HTR1F: variants seen among roughly 807,000 people sequenced by gnomAD.
HTR1F encodes the protein 5-hydroxytryptamine (serotonin) receptor 1F, G protein-coupled.
Under a neutral mutation model 24.0 loss-of-function variants are expected in HTR1F, and 17 were observed. The observed-to-expected ratio is 0.71, with a 90% CI of 0.48 to 1.06. The LOEUF (loss-of-function observed/expected upper bound fraction) is 1.06, where lower values mean the gene tolerates loss of function less well. Ranked by LOEUF, HTR1F falls within the 50% of genes least tolerant of loss-of-function variation. The pLI, the probability that HTR1F is intolerant of heterozygous loss-of-function variation, is 0.00. For missense variants in HTR1F, 391 were observed against 427.8 expected, an observed-to-expected ratio of 0.91 and a Z score of 0.76; for synonymous variants, 186 against 156.8, an observed-to-expected ratio of 1.19 and a Z score of -1.39.
chr3:87,946,125 A>G (rs1704695867), intron 2 of HTR1F, among the ~76,000 whole-genome samples: 1 of 152,230 alleles, frequency 6.6e-6, no homozygotes, highest in Non-Finnish European at 1.5e-5. Flanking sequence ...TGCAGGAACA[A>G]TGGCAAGCCT....
At chr3:87,960,313 G>A (rs1440643797) in intron 2 of HTR1F, among the ~76,000 whole-genome samples, 1 of 151,966 alleles carries the variant, frequency 6.6e-6, no homozygotes, top group Admixed American at 6.6e-5. Flanking sequence ...ATCACAAAAA[G>A]AAGTGGTCAT....
chr3:87,950,754 A>T (rs1704815748), intron 2 of HTR1F, among the ~76,000 whole-genome samples: 2 of 152,126 alleles, frequency 1.3e-5, no homozygotes, highest in Admixed American at 1.3e-4. Flanking sequence ...AACAGAGTTC[A>T]TTGGTTTCAG....
At chr3:87,853,391 A>G (rs1705130973) in intron 2 of HTR1F, among the ~76,000 whole-genome samples, 1 of 152,108 alleles carries the variant, frequency 6.6e-6, no homozygotes, top group African/African-American at 2.4e-5. Context: ...GTTCCTGCAA[A>G]GGACATGATC....
chr3:87,879,735 T>C (rs1382322231), intron 2 of HTR1F, among the ~76,000 whole-genome samples: 1 of 152,154 alleles, frequency 6.6e-6, no homozygotes, highest in African/African-American at 2.4e-5. Context: ...GAATATTTCA[T>C]TTTATGGAGT....
chr3:87,874,866 G>A (rs2107265708), intron 2 of HTR1F, among the ~76,000 whole-genome samples: 1 of 152,218 alleles, frequency 6.6e-6, no homozygotes, highest in South Asian at 2.1e-4. Flanking sequence ...ATAATGGTGT[G>A]AAGACTACAC....
rs5850816 is a variant in HTR1F, at chr3:87,890,843, C to CTT, written c.-43+68734_-43+68735dup. ...TGATTTGACTACAAGTCAATTATTT[C>CTT]TTTTTTTTTTTTTTTTGAGACAGAG... is the stretch of plus-strand genomic sequence containing the variant. On this transcript the variant is annotated intron_variant, in intron 2 of 2. Transcript: ENST00000319595. Among the ~76,000 whole-genome samples the CTT allele has an allele frequency of 2.6e-3, 359 of 139,134 alleles. 3 individuals are homozygous for CTT. The highest frequency in any genetic ancestry group is 6.5e-3 in the African/African-American group (247 of 37,710). 91.3% of individuals were successfully genotyped at this position (139,134 alleles called of 152,430 possible).
At chr3:87,931,782 A>G (rs1704279056) in intron 2 of HTR1F, among the ~76,000 whole-genome samples, 1 of 149,454 alleles carries the variant, frequency 6.7e-6, no homozygotes, top group Non-Finnish European at 1.5e-5. Flanking sequence ...TTTGATTTGC[A>G]TTTCTCTGAT....
intron 2 of HTR1F, among the ~76,000 whole-genome samples, chr3:87,832,212 A>C (rs776588281): frequency 6.6e-6 from 1 of 152,282 alleles, no homozygotes; most frequent in Non-Finnish European, 1.5e-5. Context: ...GAGAATTTAT[A>C]AAAGTACTTC....
intron 1 of HTR1F, among the ~76,000 whole-genome samples, chr3:87,804,560 T>G (rs1161076727): frequency 6.6e-6 from 1 of 152,136 alleles, no homozygotes; most frequent in Non-Finnish European, 1.5e-5. Flanking sequence ...ATTTCCCATT[T>G]TATTATCTAG....
chr3:87,870,989 G>A lies in HTR1F; in HGVS notation c.-43+48865G>A, dbSNP rs1423621562. On this transcript the variant is annotated intron_variant, in intron 2 of 2. Transcript: ENST00000319595. ...TACTTTATCAAATACCCAAATCTCAGAAAAAAAAAAAAAATCACGTGAAGA... is the reference window on the plus strand; with the variant it reads ...TACTTTATCAAATACCCAAATCTCAAAAAAAAAAAAAAAATCACGTGAAGA... Among the ~76,000 whole-genome samples, 550 of 135,126 alleles carry A rather than the reference G, an allele frequency of 4.1e-3. 2 individuals are homozygous for A. The highest frequency in any genetic ancestry group is 0.013 in the African/African-American group (497 of 38,420). 88.6% of individuals were successfully genotyped at this position (135,126 alleles called of 152,430 possible).
rs1705810813 is a variant in HTR1F at position 87,991,004 on chromosome 3, G to A, written c.255G>A (p.Val85=). The A allele has an allele frequency of 1.2e-6, 2 of 1,614,102 alleles. No individual in the cohort carries two copies. The highest frequency in any genetic ancestry group is 1.7e-6 in the Non-Finnish European group (2 of 1,180,014). ...TGCCCTTCAGCATTGTGTATATTGT[G>A]AGAGAGAGCTGGATTATGGGGCAAG... ...LVMPFSIVYI[V]RESWIMGQVV... is the part of the protein sequence containing the mutation. The change falls in exon 3 of 3, where the codon GTG becomes GTA. Residue 85 remains valine, a synonymous_variant. Coordinates refer to ENST00000319595, the MANE Select transcript of HTR1F (RefSeq NM_001322209.2).
intron 1 of HTR1F, among the ~76,000 whole-genome samples, chr3:87,795,150 G>A (rs1183027508): frequency 1.3e-5 from 2 of 151,910 alleles, no homozygotes; most frequent in African/African-American, 4.8e-5. Flanking sequence ...ACCACACCCA[G>A]CTAATTTGTA....
At chr3:87,808,483 T>G (rs1285088656) in intron 1 of HTR1F, among the ~76,000 whole-genome samples, 5 of 151,778 alleles carry the variant, frequency 3.3e-5, no homozygotes, top group Admixed American at 3.3e-4. Context: ...TCATATCTGA[T>G]TTTGCCTGGG....
At chr3:87,869,702 G>A (rs140306366) in intron 2 of HTR1F, among the ~76,000 whole-genome samples, 9 of 152,116 alleles carry the variant, frequency 5.9e-5, no homozygotes, top group East Asian at 5.8e-4. Flanking sequence ...TATTACTTGC[G>A]GGAGAAGCCT....
At chr3:87,894,906 G>C (rs938929599) in intron 2 of HTR1F, among the ~76,000 whole-genome samples, 3 of 152,030 alleles carry the variant, frequency 2.0e-5, no homozygotes, top group African/African-American at 4.8e-5. Flanking sequence ...TTTTTGAAAG[G>C]ATATAATAGT....
chr3:87,869,870 G>A (rs1357846992), intron 2 of HTR1F, among the ~76,000 whole-genome samples: 2 of 152,004 alleles, frequency 1.3e-5, no homozygotes, highest in East Asian at 1.9e-4. Context: ...CTGGATACAC[G>A]TGGCCCAAAT....
intron 2 of HTR1F, among the ~76,000 whole-genome samples, chr3:87,969,556 C>A (rs1705242183): frequency 6.6e-6 from 1 of 152,254 alleles, no homozygotes. Context: ...GTGTATTTAC[C>A]CAGTGCCTTT....
At chr3:87,934,702 C>T (rs1355230181) in intron 2 of HTR1F, among the ~76,000 whole-genome samples, 1 of 152,138 alleles carries the variant, frequency 6.6e-6, no homozygotes, top group Non-Finnish European at 1.5e-5. Flanking sequence ...GGATCTGTCT[C>T]TGAGCAATCA....
At chr3:87,904,515 A>G (rs1703614499) in intron 2 of HTR1F, among the ~76,000 whole-genome samples, 1 of 152,164 alleles carries the variant, frequency 6.6e-6, no homozygotes, top group Non-Finnish European at 1.5e-5. Flanking sequence ...AAACTGTGGT[A>G]TAGTCATAGC....
Sources: gnomAD v4.1 joint callset for allele counts (sites outside exome capture counted in the v4.1 genomes callset) on GRCh38, gnomAD v4.1.1 for gene constraint, MANE v1.5 for transcripts, NCBI Gene and HGNC (gene_info 2026-07-23, HGNC 2026-07-21) for gene names.